PIK3R6: variants seen among roughly 807,000 people sequenced by gnomAD.
The protein encoded by PIK3R6 is phosphoinositide 3-kinase regulatory subunit 6.
In PIK3R6, 91 loss-of-function variants were observed where a neutral mutation model predicts 84.9. The ratio of observed to expected loss-of-function variants is 1.07; its 90% CI spans 0.90 to 1.28. The LOEUF is 1.28. Among genes scored for constraint, PIK3R6 ranks in the 50% most tolerant of loss-of-function variants. The pLI, the probability that PIK3R6 is intolerant of heterozygous loss-of-function variation, is 0.00. For synonymous variants in PIK3R6, 416 were observed against 411.4 expected, an observed-to-expected ratio of 1.01 and a Z score of -0.13; for missense variants, 996 against 985.1, an observed-to-expected ratio of 1.01 and a Z score of -0.15.
At chr17:8,848,847 G>C (rs2088872713) in intron 2 of PIK3R6, among the ~76,000 whole-genome samples, 1 of 152,152 alleles carries the variant, frequency 6.6e-6, no homozygotes, top group Admixed American at 6.5e-5. Flanking sequence ...TGGATGGTTG[G>C]ATGGATGGAT....
chr17:8,861,689 G>A (rs2089290882), intron 1 of PIK3R6, among the ~76,000 whole-genome samples: 1 of 152,154 alleles, frequency 6.6e-6, no homozygotes, highest in Non-Finnish European at 1.5e-5. Flanking sequence ...TTGTGTTCAA[G>A]TCACCCTTAT....
At chr17:8,827,764 GAGAGAGAGAGAGAGAGAGA>G (rs1567583732) in intron 12 of PIK3R6, among the ~76,000 whole-genome samples, 5 of 4,998 alleles carry the variant, frequency 1.0e-3, no homozygotes, top group African/African-American at 6.1e-3. Flanking sequence ...AGAGAGAGAG[GAGAGAGAGAGAGAGAGAGA>G]GAGAGAGAGA....
At chr17:8,856,957 G>A (rs530424143) in intron 1 of PIK3R6, among the ~76,000 whole-genome samples, 2 of 112,230 alleles carry the variant, frequency 1.8e-5, no homozygotes, top group East Asian at 3.9e-4. Context: ...TGGGTTTAAC[G>A]TAACCTTTGC....
intron 8 of PIK3R6, among the ~76,000 whole-genome samples, chr17:8,834,563 T>A (rs1368861059): frequency 6.6e-6 from 1 of 151,460 alleles, no homozygotes; most frequent in Non-Finnish European, 1.5e-5. Context: ...TTTTTTTTTT[T>A]ATTACTTTTT....
intron 1 of PIK3R6, among the ~76,000 whole-genome samples, chr17:8,852,580 A>T (rs1442755565): frequency 6.6e-6 from 1 of 152,132 alleles, no homozygotes; most frequent in East Asian, 1.9e-4. Flanking sequence ...TCTACTAAAA[A>T]ATAAAAAAAT....
rs1052764016 is a variant in PIK3R6, at chr17:8,855,578, G to A, written c.-91-5693C>T. 5.3e-5 allele frequency among the ~76,000 whole-genome samples: 8 copies of A among 152,180 alleles called. No individual in the cohort carries two copies. The East Asian group carries it at 1.5e-3, about 29-fold the overall frequency. ...CAATAGAAAGTGCTGGAGAGCACAC[G>A]GAGGAACTGAAATTCTCTCTTTTTA... is the stretch of plus-strand genomic sequence containing the variant. On this transcript the variant is annotated intron_variant, in intron 1 of 19. Transcript: ENST00000619866.
chr17:8,852,505 C>T (rs538179763), intron 1 of PIK3R6, among the ~76,000 whole-genome samples: 4 of 152,008 alleles, frequency 2.6e-5, no homozygotes, highest in East Asian at 1.9e-4. Context: ...TTGGGGAGGC[C>T]GAGGTGGGCG....
chr17:8,834,244 G>A (rs1216594717), intron 8 of PIK3R6, among the ~76,000 whole-genome samples: 2 of 151,920 alleles, frequency 1.3e-5, no homozygotes, highest in Non-Finnish European at 2.9e-5. Context: ...CAAAGGCCCT[G>A]GGGTGCAAGT....
rs1415577466 is a variant in PIK3R6, at chr17:8,828,112, CT to C, written c.1391del (p.Glu464GlyfsTer21). 2 of 1,613,758 alleles carry C rather than the reference CT, an allele frequency of 1.2e-6. No homozygotes were observed. Among genetic ancestry groups the C allele is most frequent in the African/African-American group, 2.7e-5 (2 of 74,932 alleles). On this transcript the variant is annotated frameshift_variant and splice_region_variant, in exon 12 of 20. Coordinates refer to ENST00000619866, the MANE Select transcript of PIK3R6 (RefSeq NM_001010855.4). LOFTEE classifies it high-confidence loss of function. ...QLYYIPVLAPEKPAASRQPEL... is the reference protein window; with the variant it reads ...QLYYIPVLAPXKPAASRQPEL... ...CACCGCCTCCCCGCGGTCCAGTCAC[CT>C]CAGGCGCCAGCACGGGGATGTAGTA...
chr17:8,821,944 G>C lies in PIK3R6; in HGVS notation c.1789-8C>G, dbSNP rs764637394. On this transcript the variant is annotated splice_polypyrimidine_tract_variant and splice_region_variant and intron_variant, in intron 16 of 19. Transcript: ENST00000619866. ...CCGGTGGCTAAGCAAGGCCTGAGGAGGGGGATCGAGGAACAGGTGGAGGTG... is the reference window on the plus strand; with the variant it reads ...CCGGTGGCTAAGCAAGGCCTGAGGACGGGGATCGAGGAACAGGTGGAGGTG... 1 of 1,565,874 alleles carries C rather than the reference G, an allele frequency of 6.4e-7. No individual in the cohort carries two copies. The highest frequency in any genetic ancestry group is 2.4e-5 in the East Asian group (1 of 42,438).
At chr17:8,860,930 G>GGCTCACGCACGGGC (rs10667655) in intron 1 of PIK3R6, among the ~76,000 whole-genome samples, 1 of 152,166 alleles carries the variant, frequency 6.6e-6, no homozygotes, top group African/African-American at 2.4e-5. Flanking sequence ...GCCGGGCACG[G>GGCTCACGCACGGGC]TCACGCCTGT....
At chr17:8,867,430 C>G (rs183584885) in intron 1 of PIK3R6, 99 bp downstream of exon 1, 7 of 182,212 alleles carry the variant, frequency 3.8e-5, no homozygotes, top group East Asian at 1.5e-4. Context: ...GTGTTTCAGC[C>G]CCCCCAGGGG....
At position 8,832,995 on chromosome 17, in the gene PIK3R6, G is replaced by A. The variant is rs2088310437; in HGVS notation, c.696C>T (p.Ala232=). The A allele has an allele frequency of 6.2e-7, 1 of 1,611,342 alleles. No individual in the cohort carries two copies. The highest frequency in any genetic ancestry group is 8.5e-7 in the Non-Finnish European group (1 of 1,179,576). The change falls in exon 9 of 20, where the codon GCC becomes GCT. Residue 232 remains alanine (A), a synonymous_variant. Coordinates refer to ENST00000619866, the MANE Select transcript of PIK3R6 (RefSeq NM_001010855.4). ...TGGCCTCGCTGGCCATCTGCTCCAA[G>A]GCGGCCACCACGGCGTGGAAATAGT... ...LEHYFHAVVA[A]LEQMASEASP...
At chr17:8,814,828 C>A (rs2087477900) in intron 18 of PIK3R6, among the ~76,000 whole-genome samples, 1 of 151,898 alleles carries the variant, frequency 6.6e-6, no homozygotes, top group African/African-American at 2.4e-5. Context: ...CATCAAAGGT[C>A]CAAAATGATG....
rs775504914 is a variant in PIK3R6, at chr17:8,829,669, T to C, written c.889+37A>G. 8.5e-5 allele frequency: 130 copies of C among 1,529,680 alleles called. No homozygotes were observed. Among genetic ancestry groups the C allele is most frequent in the Non-Finnish European group, 1.0e-4 (117 of 1,127,954 alleles). 94.8% of individuals were successfully genotyped at this position (1,529,680 alleles called of 1,614,324 possible). On this transcript the variant is annotated intron_variant, in intron 10 of 19. Coordinates refer to ENST00000619866, the MANE Select transcript of PIK3R6 (RefSeq NM_001010855.4). ...ACGCATACACACACAGACACAGACATATACCACTGTTTCCAGACAGCTCCA... is the reference window on the plus strand; with the variant it reads ...ACGCATACACACACAGACACAGACACATACCACTGTTTCCAGACAGCTCCA...
intron 1 of PIK3R6, among the ~76,000 whole-genome samples, chr17:8,854,723 TA>T (rs2089079082): frequency 6.6e-6 from 1 of 152,230 alleles, no homozygotes; most frequent in South Asian, 2.1e-4. Context: ...GATTTGAATG[TA>T]AAATTCAAAA....
At position 8,829,526 on chromosome 17, in the gene PIK3R6, ACT is replaced by A. The variant is rs201309456; in HGVS notation, c.889+178_889+179del. On this transcript the variant is annotated intron_variant, in intron 10 of 19. Transcript: ENST00000619866. ...GACACACACTCATGCATACACACAC[ACT>A]GACACACGCATGCACACAGACACAC... Among the ~76,000 whole-genome samples the A allele has an allele frequency of 2.6e-3, 248 of 94,588 alleles. 4 individuals carry two copies. Among genetic ancestry groups the A allele is most frequent in the African/African-American group, 7.8e-3 (232 of 29,906 alleles). 62.1% of individuals were successfully genotyped at this position (94,588 alleles called of 152,430 possible).
rs1315003019 is a variant in PIK3R6 at position 8,862,997 on chromosome 17, C to G, written c.-92+4532G>C. Among the ~76,000 whole-genome samples, 1 of 152,070 alleles carries G rather than the reference C, an allele frequency of 6.6e-6. No individual in the cohort carries two copies. Among genetic ancestry groups the G allele is most frequent in the African/African-American group, 2.4e-5 (1 of 41,390 alleles). On this transcript the variant is annotated intron_variant, in intron 1 of 19. Coordinates refer to ENST00000619866, the MANE Select transcript of PIK3R6 (RefSeq NM_001010855.4). The surrounding 1 kb of genome is among the most constrained non-coding windows in gnomAD (Gnocchi z 4.3). Reference sequence around the variant, plus strand: ...ATTGTTCCAGGTCCCAGGGATGTGGCAATAAGTTAAAATACACAAAATGCC... The same window carrying G: ...ATTGTTCCAGGTCCCAGGGATGTGGGAATAAGTTAAAATACACAAAATGCC...
chr17:8,851,157 T>A (rs1427176551), intron 1 of PIK3R6, among the ~76,000 whole-genome samples: 13 of 151,568 alleles, frequency 8.6e-5, no homozygotes, highest in African/African-American at 2.2e-4. Flanking sequence ...TTCACACCCA[T>A]TGGAATGACC....
Sources: allele counts gnomAD v4.1 joint callset (sites outside exome capture counted in the v4.1 genomes callset), GRCh38; gene constraint gnomAD v4.1.1; non-coding constraint Gnocchi (gnomAD v3.1); transcripts MANE v1.5; gene names NCBI Gene and HGNC (gene_info 2026-07-23, HGNC 2026-07-21).